Variants in F13A1 observed in about 807,000 individuals in gnomAD.
F13A1 encodes coagulation factor XIII A chain, also known as FSF, A subunit.
In F13A1, 47 loss-of-function variants were observed where a neutral mutation model predicts 80.1. That is an observed-to-expected ratio of 0.59 (90% confidence interval 0.46 to 0.75). The LOEUF (loss-of-function observed/expected upper bound fraction) is 0.75. F13A1 is among the 30% of genes least tolerant of loss of function. The pLI, the probability that F13A1 is intolerant of heterozygous loss-of-function variation, is 0.00. For missense variants in F13A1, 817 were observed against 930.4 expected (o/e 0.88, Z 1.59); for synonymous variants, 349 against 344.9 (o/e 1.01, Z -0.13).
At chr6:6,266,494 G>A (rs1757846010) in intron 4 of F13A1, 64 bp downstream of exon 4, 5 of 1,613,448 alleles carry the variant, frequency 3.1e-6, no homozygotes, top group East Asian at 4.5e-5. Flanking sequence ...GTATAGGCAT[G>A]TGCCATGGCA....
intron 3 of F13A1, among the ~76,000 whole-genome samples, chr6:6,294,487 A>T (rs756638563): frequency 6.6e-6 from 1 of 151,956 alleles, no homozygotes; most frequent in Non-Finnish European, 1.5e-5. Context: ...ATTAATACTT[A>T]AATAAACTCC....
chr6:6,187,124 G>A (rs1288047075), intron 10 of F13A1, among the ~76,000 whole-genome samples: 2 of 126,166 alleles, frequency 1.6e-5, no homozygotes, highest in East Asian at 4.0e-4. Context: ...GAGCTTTTGG[G>A]CTGAGACAAT....
chr6:6,213,085 A>G (rs1041164351), intron 8 of F13A1, among the ~76,000 whole-genome samples: 16 of 152,344 alleles, frequency 1.1e-4, no homozygotes, highest in Admixed American at 2.0e-4. Flanking sequence ...GGAGAATGGA[A>G]CCAAGTTGGA....
At chr6:6,160,410 C>T (rs1760552555) in intron 13 of F13A1, among the ~76,000 whole-genome samples, 2 of 152,016 alleles carry the variant, frequency 1.3e-5, no homozygotes, top group African/African-American at 2.4e-5. Flanking sequence ...GATCTCGGCT[C>T]ACTGCAGCTT....
Position 6,243,656 on chromosome 6 carries a change from T to G in F13A1, c.798+4656A>C, listed in dbSNP as rs916935637. Among the ~76,000 whole-genome samples, 1 of 152,122 alleles carries G rather than the reference T, an allele frequency of 6.6e-6. No homozygotes were observed. The highest frequency in any genetic ancestry group is 2.4e-5 in the African/African-American group (1 of 41,416). On this transcript the variant is annotated intron_variant, in intron 6 of 14. Transcript: ENST00000264870. This position sits in a 1 kb window ranked among gnomAD's most constrained non-coding sequence, Gnocchi z 4.2. ...ATCTGAGAGTAAGGACCATATCTGG[T>G]TTCAGCTCAGCCACTTATTTGCTGT... is the stretch of plus-strand genomic sequence containing the variant.
chr6:6,174,446 C>T, intron 12 of F13A1, 134 bp downstream of exon 12: 1 of 974,714 alleles, frequency 1.0e-6, no homozygotes, highest in Admixed American at 1.8e-5. Context: ...AGTGGGTTCT[C>T]CCTGTGAGGC....
intron 4 of F13A1, among the ~76,000 whole-genome samples, chr6:6,261,072 A>C (rs1301597112): frequency 6.6e-6 from 1 of 152,110 alleles, no homozygotes; most frequent in African/African-American, 2.4e-5. Flanking sequence ...AGGTTCAAGC[A>C]GTTCTCCTGC....
intron 6 of F13A1, among the ~76,000 whole-genome samples, chr6:6,231,351 T>G (rs1757349939): frequency 6.6e-6 from 1 of 152,020 alleles, no homozygotes; most frequent in Non-Finnish European, 1.5e-5. Context: ...ACAAGTTCTT[T>G]GAATTAACCC....
intron 2 of F13A1, among the ~76,000 whole-genome samples, chr6:6,307,259 C>T (rs1181654151): frequency 2.6e-5 from 4 of 152,142 alleles, no homozygotes; most frequent in African/African-American, 9.7e-5. Flanking sequence ...AGCATTACGG[C>T]AAGCAGAAAG....
At position 6,144,954 on chromosome 6, in the gene F13A1, C is replaced by T. The variant is rs554666152; in HGVS notation, c.*665G>A. ...CATTATTCAATAGACTTGAGTGTTG[C>T]ACCTGCTTTCTTATCTCCTTGTAGG... On this transcript the variant is annotated 3_prime_UTR_variant, in exon 15 of 15. Coordinates refer to ENST00000264870, the MANE Select transcript of F13A1 (RefSeq NM_000129.4). The T allele has an allele frequency of 6.4e-6, 1 of 155,842 alleles. No individual in the cohort carries two copies. Among genetic ancestry groups the T allele is most frequent in the Admixed American group, 6.3e-5 (1 of 15,942 alleles). The allele number at this position is 155,842 out of a possible 1,614,324, so 9.7% of individuals were successfully genotyped here. A position where few individuals can be genotyped will look rare whatever the true frequency, so the allele number is the denominator to read the frequency against.
chr6:6,305,435 T>C lies in F13A1; in HGVS notation c.235A>G (p.Arg79Gly). 6.2e-7 allele frequency: 1 copy of C among 1,614,234 alleles called. No individual in the cohort carries two copies. The highest frequency in any genetic ancestry group is 1.1e-5 in the South Asian group (1 of 91,078). The change falls in exon 3 of 15, where the codon AGA becomes GGA. Residue 79 changes from arginine (R) to glycine (G), a missense_variant. Physicochemically the swap from Arg to Gly is moderately radical, Grantham distance 125. Transcript: ENST00000264870. ...KYENNKLIVR[R>G]GQSFYVQIDF... is the part of the protein sequence containing the mutation. ...ATCTGCACATAGAAAGACTGCCCTC[T>C]GCGGACAATCAGCTTGTTGTTTTCA...
intron 8 of F13A1, among the ~76,000 whole-genome samples, chr6:6,204,427 TGAAA>T (rs1761451814): frequency 6.6e-6 from 1 of 152,072 alleles, no homozygotes. Flanking sequence ...TGGCAGGGGG[TGAAA>T]GAAAGGCACT....
At chr6:6,301,645 TA>T in intron 3 of F13A1, among the ~76,000 whole-genome samples, 1 of 152,282 alleles carries the variant, frequency 6.6e-6, no homozygotes, top group East Asian at 1.9e-4. Context: ...ATTTCTTGTG[TA>T]AAAAAGAAAA....
At chr6:6,317,095 G>A (rs1758696568) in intron 2 of F13A1, among the ~76,000 whole-genome samples, 1 of 152,190 alleles carries the variant, frequency 6.6e-6, no homozygotes. Flanking sequence ...GGGGCCCAGA[G>A]TCTTTTGGGC....
chr6:6,297,288 T>G lies in F13A1; in HGVS notation c.319+8063A>C, dbSNP rs577492077. On this transcript the variant is annotated intron_variant, in intron 3 of 14. Coordinates refer to ENST00000264870, the MANE Select transcript of F13A1 (RefSeq NM_000129.4). Reference sequence around the variant, plus strand: ...AAATGACTTAGGGAGGATTCCCTCTTTTTCTATTGATTGGAATAGTTTCAG... The same window carrying G: ...AAATGACTTAGGGAGGATTCCCTCTGTTTCTATTGATTGGAATAGTTTCAG... Among the ~76,000 whole-genome samples, 418 of 152,184 alleles carry G rather than the reference T, an allele frequency of 2.7e-3. 2 individuals are homozygous for G. The highest frequency in any genetic ancestry group is 9.9e-3 in the African/African-American group (409 of 41,430).
At chr6:6,175,963 G>A (rs1421492120) in intron 11 of F13A1, among the ~76,000 whole-genome samples, 1 of 152,226 alleles carries the variant, frequency 6.6e-6, no homozygotes, top group Non-Finnish European at 1.5e-5. Flanking sequence ...CACTGGGAAG[G>A]TGGGAGAACG....
At chr6:6,185,095 C>T (rs1761054591) in intron 10 of F13A1, among the ~76,000 whole-genome samples, 1 of 151,136 alleles carries the variant, frequency 6.6e-6, no homozygotes, top group African/African-American at 2.4e-5. Flanking sequence ...TGGACTTAGG[C>T]TGTGTGGCTC....
At chr6:6,183,222 C>A (rs1761019899) in intron 10 of F13A1, among the ~76,000 whole-genome samples, 1 of 152,164 alleles carries the variant, frequency 6.6e-6, no homozygotes, top group Non-Finnish European at 1.5e-5. Flanking sequence ...CCTCTCCAAG[C>A]CTCAGTTACC....
intron 4 of F13A1, among the ~76,000 whole-genome samples, chr6:6,260,457 G>A (rs1315525021): frequency 6.6e-5 from 10 of 152,216 alleles, no homozygotes; most frequent in South Asian, 6.2e-4. Flanking sequence ...TCACTTGGGC[G>A]ACAGTCTCAC....
Sources: allele counts gnomAD v4.1 joint callset (sites outside exome capture counted in the v4.1 genomes callset), GRCh38; gene constraint gnomAD v4.1.1; non-coding constraint Gnocchi (gnomAD v3.1); transcripts MANE v1.5; gene names NCBI Gene and HGNC (gene_info 2026-07-23, HGNC 2026-07-21).